The following TASP1 variants were observed in gnomAD, a reference collection of about 807,000 sequenced individuals.
TASP1 encodes threonine aspartase 1.
In TASP1, 16 loss-of-function variants were observed where a neutral mutation model predicts 56.6. That is an observed-to-expected ratio of 0.28 (90% CI 0.19 to 0.43). The LOEUF is 0.43. Ranked by LOEUF, TASP1 falls within the 20% of genes least tolerant of loss-of-function variation. The pLI is 1.00. For missense variants in TASP1, 393 were observed against 511.6 expected, an observed-to-expected ratio of 0.77 and a Z score of 2.24; for synonymous variants, 179 against 184.2, an observed-to-expected ratio of 0.97 and a Z score of 0.23.
the TASP1 span, among the ~76,000 whole-genome samples, chr20:13,188,027 G>A: frequency 1.3e-5 from 2 of 152,120 alleles, no homozygotes; most frequent in Non-Finnish European, 2.9e-5. Flanking sequence ...TTTAAAAGAG[G>A]CTTCCCTCAG....
chr20:13,341,212 A>G, the TASP1 span, among the ~76,000 whole-genome samples: 1 of 152,254 alleles, frequency 6.6e-6, no homozygotes, highest in African/African-American at 2.4e-5. Flanking sequence ...TCATCGTGGT[A>G]GCAGAGAATA....
At chr20:13,131,763 T>C in the TASP1 span, among the ~76,000 whole-genome samples, 1 of 152,182 alleles carries the variant, frequency 6.6e-6, no homozygotes, top group African/African-American at 2.4e-5. Context: ...TTCTTCTCCA[T>C]GCAGAAGCCA....
chr20:13,138,369 T>C, the TASP1 span, among the ~76,000 whole-genome samples: 5 of 152,130 alleles, frequency 3.3e-5, no homozygotes, highest in African/African-American at 1.2e-4. Flanking sequence ...ATTCATTATC[T>C]CCTGAGCCCC....
intron 10 of TASP1, among the ~76,000 whole-genome samples, chr20:13,507,311 T>C (rs1178369002): frequency 6.6e-6 from 1 of 152,162 alleles, no homozygotes; most frequent in East Asian, 1.9e-4. Flanking sequence ...AGCATGAGGA[T>C]TGCTTGAGTC....
the TASP1 span, among the ~76,000 whole-genome samples, chr20:13,339,947 G>A: frequency 6.6e-6 from 1 of 151,924 alleles, no homozygotes; most frequent in East Asian, 1.9e-4. Flanking sequence ...AAGTATGTCT[G>A]TTACACAAGC....
chr20:13,524,028 A>T (rs1324111908), intron 10 of TASP1, among the ~76,000 whole-genome samples: 1 of 152,024 alleles, frequency 6.6e-6, no homozygotes, highest in Non-Finnish European at 1.5e-5. Flanking sequence ...GTGCACCTGT[A>T]GTCCTACCTA....
chr20:13,282,861 C>T, the TASP1 span, among the ~76,000 whole-genome samples: 1 of 152,174 alleles, frequency 6.6e-6, no homozygotes, highest in East Asian at 1.9e-4. Context: ...GCTAGCCCTC[C>T]GACCACACTT....
chr20:13,555,382 T>TAAAAA (rs59279659), intron 8 of TASP1, among the ~76,000 whole-genome samples: 16 of 99,338 alleles, frequency 1.6e-4, no homozygotes, highest in African/African-American at 3.9e-4. Context: ...AGACTCCCTC[T>TAAAAA]AAAAAAAAAA....
intron 1 of TASP1, among the ~76,000 whole-genome samples, chr20:13,636,468 T>C (rs1450530536): frequency 6.6e-6 from 1 of 152,054 alleles, no homozygotes; most frequent in Non-Finnish European, 1.5e-5. Flanking sequence ...CCTTGTGTTG[T>C]TGCTTTTAAC....
chr20:13,335,226 G>A, the TASP1 span, among the ~76,000 whole-genome samples: 1 of 152,008 alleles, frequency 6.6e-6, no homozygotes, highest in Non-Finnish European at 1.5e-5. Flanking sequence ...AGCATGACCA[G>A]AGAAGAGCAT....
the TASP1 span, among the ~76,000 whole-genome samples, chr20:13,234,969 G>C: frequency 6.6e-6 from 1 of 152,190 alleles, no homozygotes; most frequent in Non-Finnish European, 1.5e-5. Flanking sequence ...CATGGTTTGA[G>C]AAACACTGGT....
the TASP1 span, among the ~76,000 whole-genome samples, chr20:13,350,980 C>A: frequency 2.0e-3 from 292 of 143,900 alleles, 2 homozygotes; most frequent in South Asian, 0.015. Context: ...AAAAAAAAAA[C>A]AAAACCTAAT....
the TASP1 span, among the ~76,000 whole-genome samples, chr20:13,302,881 C>T: frequency 1.3e-5 from 2 of 152,120 alleles, no homozygotes; most frequent in Non-Finnish European, 2.9e-5. Context: ...GCTTTCTCTT[C>T]GGACCCAGTT....
At chr20:13,629,605 A>C (rs960175257) in intron 2 of TASP1, among the ~76,000 whole-genome samples, 1 of 151,896 alleles carries the variant, frequency 6.6e-6, no homozygotes. Flanking sequence ...CCACAGCAAC[A>C]TTATTTTTAA....
chr20:13,636,784 C>T (rs187574245), intron 1 of TASP1, among the ~76,000 whole-genome samples: 10 of 152,166 alleles, frequency 6.6e-5, no homozygotes, highest in Admixed American at 3.9e-4. Context: ...AAGGACAGTC[C>T]TTTCATCAAA....
chr20:13,357,985 C>A, the TASP1 span, among the ~76,000 whole-genome samples: 23 of 152,288 alleles, frequency 1.5e-4, 2 homozygotes, highest in Middle Eastern at 3.4e-3. Flanking sequence ...AGTGAATAGG[C>A]CCTGCCGCAC....
the TASP1 span, among the ~76,000 whole-genome samples, chr20:13,124,759 C>T: frequency 1.3e-5 from 2 of 152,122 alleles, no homozygotes; most frequent in African/African-American, 4.8e-5. Context: ...TGCTTGTGAG[C>T]AACAATGCCC....
At chr20:13,117,356 A>G in the TASP1 span, 1 of 661,814 alleles carries the variant, frequency 1.5e-6, no homozygotes, top group Non-Finnish European at 2.4e-6. Context: ...TACAAGATTG[A>G]AAGGGTTGTC....
chr20:13,514,620 C>T (rs2044454631), intron 10 of TASP1, among the ~76,000 whole-genome samples: 1 of 152,090 alleles, frequency 6.6e-6, no homozygotes, highest in Admixed American at 6.6e-5. Context: ...TACAGGCAGA[C>T]CTAAAATACC....
Sources: allele counts gnomAD v4.1 joint callset (sites outside exome capture counted in the v4.1 genomes callset), GRCh38; gene constraint gnomAD v4.1.1; transcripts MANE v1.5; gene names NCBI Gene and HGNC (gene_info 2026-07-23, HGNC 2026-07-21).